RPS6KA2: variants seen among roughly 807,000 people sequenced by gnomAD.
RPS6KA2 encodes the protein ribosomal protein S6 kinase A2.
A neutral mutation model predicts 91.8 loss-of-function variants in RPS6KA2; 42 were observed. The observed-to-expected ratio is 0.46, with a 90% CI of 0.36 to 0.59. The LOEUF is 0.59. Ranked by LOEUF, RPS6KA2 falls within the 20% of genes least tolerant of loss-of-function variation. The pLI, the probability that RPS6KA2 is intolerant of heterozygous loss-of-function variation, is 0.00. For synonymous variants in RPS6KA2, 414 were observed against 393.6 expected (o/e 1.05, Z -0.61); for missense variants, 798 against 978.5 (o/e 0.82, Z 2.46).
intron 2 of RPS6KA2, among the ~76,000 whole-genome samples, chr6:166,711,510 GC>G (rs1228165763): frequency 1.3e-5 from 2 of 151,288 alleles, no homozygotes; most frequent in South Asian, 2.1e-4. Context: ...TCACAAACCA[GC>G]CTAAAACCAA....
intron 2 of RPS6KA2, among the ~76,000 whole-genome samples, chr6:166,713,989 C>T (rs1395174362): frequency 6.6e-6 from 1 of 152,228 alleles, no homozygotes. Context: ...TCCACAATGG[C>T]CTCCCTGATC....
At chr6:166,430,723 G>A (rs1232542397) in intron 15 of RPS6KA2, 112 bp from the exon 16 acceptor site, 3 of 1,098,510 alleles carry the variant, frequency 2.7e-6, no homozygotes, top group African/African-American at 3.2e-5. Flanking sequence ...GGGACCACAG[G>A]GTCCTATGGG....
intron 2 of RPS6KA2, among the ~76,000 whole-genome samples, chr6:166,663,824 A>C (rs1788236053): frequency 6.6e-6 from 1 of 152,230 alleles, no homozygotes; most frequent in Non-Finnish European, 1.5e-5. Flanking sequence ...CTGACAGTCA[A>C]GCCTCACTTG....
At chr6:166,620,323 C>T (rs1786578340) in intron 1 of RPS6KA2, among the ~76,000 whole-genome samples, 2 of 152,166 alleles carry the variant, frequency 1.3e-5, no homozygotes, top group Admixed American at 6.5e-5. Context: ...GACAGAATAA[C>T]TGAAAGAAGA....
chr6:166,708,525 T>C (rs1269149942), intron 2 of RPS6KA2, among the ~76,000 whole-genome samples: 3 of 152,224 alleles, frequency 2.0e-5, no homozygotes, highest in Non-Finnish European at 4.4e-5. Flanking sequence ...AATTTCAGTA[T>C]AAACAAAAAT....
In RPS6KA2 at chr6:166,434,780, G is replaced by A. The variant is rs1423464094; in HGVS notation, c.1333-2290C>T. The stretch of plus-strand genomic sequence containing the variant: ...GTGGGAGCTTTTTCTCCACCGCCAC[G>A]GACCATCTTCAAGATACAAGGAGTA... On this transcript the variant is annotated intron_variant, in intron 14 of 20. Coordinates refer to ENST00000265678, the MANE Select transcript of RPS6KA2 (RefSeq NM_021135.6). The surrounding 1 kb of genome is among the most constrained non-coding windows in gnomAD (Gnocchi z 4.4). Among the ~76,000 whole-genome samples the A allele has an allele frequency of 6.6e-6, 1 of 152,236 alleles. No individual in the cohort carries two copies. Among genetic ancestry groups the A allele is most frequent in the East Asian group, 1.9e-4 (1 of 5,184 alleles).
At chr6:166,498,374 G>A in intron 8 of RPS6KA2, 134 bp downstream of exon 8, 4 of 1,021,716 alleles carry the variant, frequency 3.9e-6, no homozygotes, top group Middle Eastern at 3.2e-4. Context: ...TGCTTGGCCT[G>A]GACACTTGCC....
At chr6:166,664,734 C>G (rs1340189261) in intron 2 of RPS6KA2, among the ~76,000 whole-genome samples, 1 of 151,942 alleles carries the variant, frequency 6.6e-6, no homozygotes, top group African/African-American at 2.4e-5. Context: ...ATATTAAGAA[C>G]CTACTGAGCA....
At chr6:166,597,824 G>A (rs1041612988) in intron 1 of RPS6KA2, among the ~76,000 whole-genome samples, 10 of 152,194 alleles carry the variant, frequency 6.6e-5, no homozygotes, top group East Asian at 1.9e-4. Context: ...CGGAGTCCAC[G>A]GGCTGGTGAG....
chr6:166,613,754 C>T lies in RPS6KA2; in HGVS notation c.99+13167G>A, dbSNP rs149704968. On this transcript the variant is annotated intron_variant, in intron 1 of 20. Coordinates refer to ENST00000265678, the MANE Select transcript of RPS6KA2 (RefSeq NM_021135.6). ...TTATGTGAAACATTAGGGCTTTCCA[C>T]GGCCTTCAGGACACAGTCGGGCTTT... 1.8e-3 allele frequency among the ~76,000 whole-genome samples: 281 copies of T among 152,126 alleles called. 2 individuals carry two copies. The highest frequency in any genetic ancestry group is 6.5e-3 in the African/African-American group (271 of 41,418).
At chr6:166,540,802 CGT>C (rs1170976718) in intron 1 of RPS6KA2, among the ~76,000 whole-genome samples, 2 of 152,256 alleles carry the variant, frequency 1.3e-5, no homozygotes, top group Non-Finnish European at 2.9e-5. Flanking sequence ...CAGGGATCCA[CGT>C]GTGTCACTGC....
At chr6:166,775,034 G>C (rs1289556409) in intron 2 of RPS6KA2, among the ~76,000 whole-genome samples, 1 of 152,082 alleles carries the variant, frequency 6.6e-6, no homozygotes, top group African/African-American at 2.4e-5. Context: ...GCCTGCACCT[G>C]CGCTCAGCAT....
intron 7 of RPS6KA2, 128 bp from the exon 8 acceptor site, chr6:166,498,778 T>G (rs1015939631): frequency 8.1e-7 from 1 of 1,237,660 alleles, no homozygotes; most frequent in Non-Finnish European, 1.1e-6. Context: ...AGAGCCCTGC[T>G]CAGCAAAAGC....
intron 1 of RPS6KA2, among the ~76,000 whole-genome samples, chr6:166,622,215 TA>T (rs1261826078): frequency 6.6e-6 from 1 of 152,118 alleles, no homozygotes; most frequent in African/African-American, 2.4e-5. Flanking sequence ...TCACATCGTT[TA>T]AAAAAACAAC....
At chr6:166,826,605 C>T (rs944679580) in intron 2 of RPS6KA2, among the ~76,000 whole-genome samples, 10 of 152,202 alleles carry the variant, frequency 6.6e-5, no homozygotes, top group African/African-American at 2.4e-4. Context: ...CGCTTTTCTA[C>T]GGATTATAAA....
At chr6:166,523,952 A>C (rs1782940989) in intron 3 of RPS6KA2, among the ~76,000 whole-genome samples, 1 of 152,196 alleles carries the variant, frequency 6.6e-6, no homozygotes. Context: ...GTGCCTCTGC[A>C]GTGATCCCAT....
chr6:166,727,492 T>A (rs1015176764), intron 2 of RPS6KA2, among the ~76,000 whole-genome samples: 1 of 151,714 alleles, frequency 6.6e-6, no homozygotes, highest in East Asian at 1.9e-4. Flanking sequence ...CCCTCAGGTA[T>A]CAGCACCCTA....
chr6:166,548,208 G>A (rs1486779145), intron 1 of RPS6KA2, among the ~76,000 whole-genome samples: 1 of 152,128 alleles, frequency 6.6e-6, no homozygotes, highest in Non-Finnish European at 1.5e-5. Context: ...AGAAATCAAA[G>A]ATCTAAATAA....
rs115167326 is a variant in RPS6KA2, at chr6:166,589,885, G to A, written c.99+37036C>T. Among the ~76,000 whole-genome samples the A allele has an allele frequency of 2.9e-3, 435 of 152,292 alleles. 2 individuals carry two copies. Among genetic ancestry groups the A allele is most frequent in the African/African-American group, 9.9e-3 (411 of 41,562 alleles). On this transcript the variant is annotated intron_variant, in intron 1 of 20. Coordinates refer to ENST00000265678, the MANE Select transcript of RPS6KA2 (RefSeq NM_021135.6). ...ATGAACAGAATGGAGAGAGACTTGG[G>A]ATCTTACCGGGAGACAAGATCATAC... is the stretch of plus-strand genomic sequence containing the variant.
Sources: gnomAD v4.1 joint callset for allele counts (sites outside exome capture counted in the v4.1 genomes callset) on GRCh38, gnomAD v4.1.1 for gene constraint, Gnocchi (gnomAD v3.1) non-coding constraint, MANE v1.5 for transcripts, NCBI Gene and HGNC (gene_info 2026-07-23, HGNC 2026-07-21) for gene names.